Variants in CHN2 observed in about 807,000 individuals in gnomAD.
The protein encoded by CHN2 is chimerin 2.
In CHN2, 35 loss-of-function variants were observed where a neutral mutation model predicts 56.3. The observed-to-expected ratio is 0.62, with a 90% CI of 0.47 to 0.82. The LOEUF is 0.82. Among genes scored for constraint, CHN2 ranks in the 40% least tolerant of loss-of-function variants. The pLI, the probability that CHN2 is intolerant of heterozygous loss-of-function variation, is 0.00. For missense variants in CHN2, 491 were observed against 580.5 expected (o/e 0.85, Z 1.58); for synonymous variants, 210 against 212.8 (o/e 0.99, Z 0.12).
chr7:29,400,542 G>C lies in CHN2; in HGVS notation c.291-1G>C. ...GTAATCCCTCATTCTCTCACGGGCA[G>C]GTTTGGAAACCAGACCTTAAACTAC... On this transcript the variant is annotated splice_acceptor_variant, in intron 5 of 12. Coordinates refer to ENST00000222792, the MANE Select transcript of CHN2 (RefSeq NM_004067.4). LOFTEE classifies it high-confidence loss of function. 1.2e-6 allele frequency: 2 copies of C among 1,613,604 alleles called. No homozygotes were observed. Among genetic ancestry groups the C allele is most frequent in the Non-Finnish European group, 1.7e-6 (2 of 1,179,730 alleles).
chr7:29,298,459 T>G (rs1051325720), intron 1 of CHN2, among the ~76,000 whole-genome samples: 1 of 152,210 alleles, frequency 6.6e-6, no homozygotes, highest in African/African-American at 2.4e-5. Context: ...AACTTAGTCC[T>G]TCTCCAACAA....
chr7:29,445,681 T>A (rs1783982586), intron 6 of CHN2, among the ~76,000 whole-genome samples: 1 of 152,162 alleles, frequency 6.6e-6, no homozygotes, highest in African/African-American at 2.4e-5. Flanking sequence ...AGGTTTGCTT[T>A]TTGTTGGGGG....
At chr7:29,226,779 C>T (rs961546829) in intron 1 of CHN2, among the ~76,000 whole-genome samples, 10 of 152,122 alleles carry the variant, frequency 6.6e-5, no homozygotes, top group South Asian at 2.1e-4. Context: ...ATTAACATAA[C>T]GAAGATAATT....
intron 6 of CHN2, among the ~76,000 whole-genome samples, chr7:29,461,531 C>T (rs1038192433): frequency 9.9e-5 from 15 of 151,892 alleles, no homozygotes; most frequent in Non-Finnish European, 5.9e-5. Flanking sequence ...TTTATATTCT[C>T]GGGATCTGGA....
At chr7:29,373,981 G>C (rs1035067767) in intron 3 of CHN2, among the ~76,000 whole-genome samples, 1 of 152,158 alleles carries the variant, frequency 6.6e-6, no homozygotes, top group South Asian at 2.1e-4. Flanking sequence ...AAGACATCTC[G>C]ACAAGGTATG....
At chr7:29,324,392 T>C (rs1351716978) in intron 1 of CHN2, among the ~76,000 whole-genome samples, 1 of 152,174 alleles carries the variant, frequency 6.6e-6, no homozygotes, top group Non-Finnish European at 1.5e-5. Flanking sequence ...AACCATAGCC[T>C]AAATGTCTCT....
chr7:29,479,673 A>G, intron 6 of CHN2: 2 of 1,038,920 alleles, frequency 1.9e-6, no homozygotes, highest in Non-Finnish European at 2.3e-6. Flanking sequence ...GCAGCCTCAG[A>G]CTTTGAACGT....
intron 1 of CHN2, among the ~76,000 whole-genome samples, chr7:29,266,233 A>G (rs934474984): frequency 2.0e-5 from 3 of 152,232 alleles, no homozygotes; most frequent in Admixed American, 6.5e-5. Flanking sequence ...GGCCTGGTCC[A>G]GAGTATAAAG....
chr7:29,425,936 T>C (rs2128109257), intron 6 of CHN2, among the ~76,000 whole-genome samples: 2 of 151,922 alleles, frequency 1.3e-5, no homozygotes, highest in Middle Eastern at 6.8e-3. Flanking sequence ...GTGGGCCGGG[T>C]GTGGTAGCTT....
At chr7:29,200,967 A>G (rs1386975572) in intron 1 of CHN2, among the ~76,000 whole-genome samples, 1 of 152,042 alleles carries the variant, frequency 6.6e-6, no homozygotes, top group African/African-American at 2.4e-5. Context: ...TTGTGCAAAT[A>G]CCCTGCCTTT....
chr7:29,458,016 T>C (rs1354394049), intron 6 of CHN2, among the ~76,000 whole-genome samples: 3 of 152,236 alleles, frequency 2.0e-5, no homozygotes, highest in African/African-American at 7.2e-5. Context: ...ACAGTTTCAA[T>C]TCCCCACTCT....
chr7:29,172,949 G>A (rs1180914866), intron 2 of CHN2, among the ~76,000 whole-genome samples: 1 of 151,852 alleles, frequency 6.6e-6, no homozygotes, highest in East Asian at 1.9e-4. Context: ...TGGCCAGTAT[G>A]GCAAAAACCT....
intron 2 of CHN2, among the ~76,000 whole-genome samples, chr7:29,160,931 T>A (rs529223745): frequency 6.6e-6 from 1 of 152,352 alleles, no homozygotes; most frequent in South Asian, 2.1e-4. Context: ...TAAATATCTG[T>A]CACCCCTGAG....
chr7:29,495,212 A>G (rs1789138425), intron 7 of CHN2, among the ~76,000 whole-genome samples: 1 of 152,186 alleles, frequency 6.6e-6, no homozygotes, highest in Admixed American at 6.5e-5. Context: ...ATAATTTAAT[A>G]CAGGAGGACC....
chr7:29,316,933 G>A (rs561410550), intron 1 of CHN2, among the ~76,000 whole-genome samples: 13 of 152,320 alleles, frequency 8.5e-5, no homozygotes, highest in Non-Finnish European at 1.6e-4. Flanking sequence ...ACAAAAAGGG[G>A]TGTAGGTAGC....
intron 1 of CHN2, among the ~76,000 whole-genome samples, chr7:29,306,553 G>A (rs1794180695): frequency 6.6e-6 from 1 of 152,116 alleles, no homozygotes; most frequent in African/African-American, 2.4e-5. Flanking sequence ...CAGGAAAGGG[G>A]GACCCTGGGT....
chr7:29,166,821 A>G (rs1021706080), intron 2 of CHN2, among the ~76,000 whole-genome samples: 1 of 151,966 alleles, frequency 6.6e-6, no homozygotes, highest in African/African-American at 2.4e-5. Flanking sequence ...TTCCAATGAT[A>G]TTCTCTATTT....
intron 1 of CHN2, among the ~76,000 whole-genome samples, chr7:29,305,169 A>G (rs1325782433): frequency 1.3e-5 from 2 of 152,178 alleles, no homozygotes; most frequent in Non-Finnish European, 2.9e-5. Context: ...AGGCCAGGAA[A>G]TTCCCAGTGA....
intron 6 of CHN2, among the ~76,000 whole-genome samples, chr7:29,436,091 C>T (rs557110133): frequency 1.5e-3 from 223 of 152,140 alleles, no homozygotes; most frequent in South Asian, 5.6e-3. Flanking sequence ...CCTGGAGTGA[C>T]GCCTCAAGTT....
Sources: gnomAD v4.1 joint callset for allele counts (sites outside exome capture counted in the v4.1 genomes callset) on GRCh38, gnomAD v4.1.1 for gene constraint, MANE v1.5 for transcripts, NCBI Gene and HGNC (gene_info 2026-07-23, HGNC 2026-07-21) for gene names.